DENND1A: variants seen among roughly 807,000 people sequenced by gnomAD.
DENND1A encodes DENN domain-containing protein 1A.
DENND1A carries 51 observed loss-of-function variants against 113.7 expected under a neutral mutation model. The observed-to-expected ratio is 0.45, with a 90% CI of 0.36 to 0.57. DENND1A has a LOEUF of 0.57. Ranked by LOEUF, DENND1A falls within the 20% of genes least tolerant of loss-of-function variation. The pLI, the probability that DENND1A is intolerant of heterozygous loss-of-function variation, is 0.00. For missense variants in DENND1A, 1,258 were observed against 1,395.9 expected, an observed-to-expected ratio of 0.90 and a Z score of 1.57; for synonymous variants, 565 against 570.8, an observed-to-expected ratio of 0.99 and a Z score of 0.14.
At chr9:123,432,813 T>C (rs1259878519) in intron 19 of DENND1A, among the ~76,000 whole-genome samples, 1 of 152,210 alleles carries the variant, frequency 6.6e-6, no homozygotes, top group Non-Finnish European at 1.5e-5. Flanking sequence ...TGACTCAGGC[T>C]TGGGCAGCAT....
chr9:123,683,016 C>T (rs184934689), intron 5 of DENND1A, among the ~76,000 whole-genome samples: 124 of 144,402 alleles, frequency 8.6e-4, no homozygotes, highest in Non-Finnish European at 1.1e-3. Context: ...CTTCCAGTTT[C>T]CAGACAATAC....
intron 21 of DENND1A, among the ~76,000 whole-genome samples, chr9:123,390,275 G>A (rs2042771966): frequency 6.6e-6 from 1 of 152,224 alleles, no homozygotes; most frequent in Non-Finnish European, 1.5e-5. Context: ...CCAGCCTGCT[G>A]GGGGAACCCC....
intron 2 of DENND1A, among the ~76,000 whole-genome samples, chr9:123,856,684 C>T (rs1174812621): frequency 6.6e-6 from 1 of 151,994 alleles, no homozygotes; most frequent in Non-Finnish European, 1.5e-5. Context: ...AGCACCCACA[C>T]AGAAGGACCA....
intron 3 of DENND1A, among the ~76,000 whole-genome samples, chr9:123,791,129 C>G (rs549135364): frequency 6.6e-6 from 1 of 152,152 alleles, no homozygotes; most frequent in African/African-American, 2.4e-5. Flanking sequence ...TTAAGTTTCT[C>G]CTATAAAATT....
At chr9:123,707,116 C>T (rs961778674) in intron 5 of DENND1A, among the ~76,000 whole-genome samples, 5 of 151,670 alleles carry the variant, frequency 3.3e-5, no homozygotes, top group African/African-American at 4.8e-5. Flanking sequence ...AGCTCAGGGC[C>T]GGGCGCGGTG....
At chr9:123,573,083 G>A (rs979948670) in intron 12 of DENND1A, among the ~76,000 whole-genome samples, 15 of 152,002 alleles carry the variant, frequency 9.9e-5, no homozygotes, top group Admixed American at 4.6e-4. Flanking sequence ...TGGCATATTT[G>A]TTGAAAAATC....
chr9:123,524,076 T>C (rs1383553575), intron 13 of DENND1A, among the ~76,000 whole-genome samples: 1 of 152,110 alleles, frequency 6.6e-6, no homozygotes, highest in East Asian at 1.9e-4. Context: ...GGATGAAAAA[T>C]ACACGTAACC....
intron 13 of DENND1A, among the ~76,000 whole-genome samples, chr9:123,552,018 C>CGA (rs10657747): frequency 1.3e-3 from 152 of 118,646 alleles, no homozygotes; most frequent in East Asian, 5.5e-3. Flanking sequence ...AGAGCGAGAG[C>CGA]GAGAGAGAGA....
intron 13 of DENND1A, among the ~76,000 whole-genome samples, chr9:123,495,141 T>TTCTCTTTCTC (rs1397673782): frequency 7.1e-6 from 1 of 140,558 alleles, no homozygotes; most frequent in Non-Finnish European, 1.5e-5. Flanking sequence ...CATTGTCTCT[T>TTCTCTTTCTC]TCTCTCTCTC....
chr9:123,635,856 G>A (rs1010632282), intron 9 of DENND1A, among the ~76,000 whole-genome samples: 4 of 152,124 alleles, frequency 2.6e-5, no homozygotes, highest in African/African-American at 7.2e-5. Flanking sequence ...TACTTGCTCC[G>A]AGTCTTCTGC....
At chr9:123,881,911 T>C (rs2133605201) in intron 1 of DENND1A, among the ~76,000 whole-genome samples, 1 of 152,296 alleles carries the variant, frequency 6.6e-6, no homozygotes, top group Non-Finnish European at 1.5e-5. Context: ...CTCATCTTAC[T>C]CGGCCTGTCA....
intron 13 of DENND1A, among the ~76,000 whole-genome samples, chr9:123,526,442 T>C (rs1416053710): frequency 6.6e-6 from 1 of 152,176 alleles, no homozygotes; most frequent in Non-Finnish European, 1.5e-5. Flanking sequence ...TCTCTTCCAA[T>C]GTTAATACAA....
At chr9:123,832,977 G>A (rs1033636797) in intron 2 of DENND1A, among the ~76,000 whole-genome samples, 15 of 151,984 alleles carry the variant, frequency 9.9e-5, no homozygotes, top group Non-Finnish European at 2.1e-4. Flanking sequence ...GCCAGGTTGG[G>A]GGTCCGGGGG....
chr9:123,550,179 G>A (rs1231510572), intron 13 of DENND1A, among the ~76,000 whole-genome samples: 2 of 152,252 alleles, frequency 1.3e-5, no homozygotes, highest in Non-Finnish European at 2.9e-5. Flanking sequence ...GATGATACCA[G>A]TGTACCCACA....
chr9:123,536,150 G>A (rs1214085515), intron 13 of DENND1A, among the ~76,000 whole-genome samples: 1 of 152,146 alleles, frequency 6.6e-6, no homozygotes, highest in Admixed American at 6.5e-5. Flanking sequence ...CTTCATGTTG[G>A]TATTTGCACT....
chr9:123,523,647 C>A (rs1201828677), intron 13 of DENND1A, among the ~76,000 whole-genome samples: 1 of 152,212 alleles, frequency 6.6e-6, no homozygotes, highest in African/African-American at 2.4e-5. Flanking sequence ...CAAAAACTTA[C>A]AGTGGCAGCT....
intron 13 of DENND1A, among the ~76,000 whole-genome samples, chr9:123,476,693 C>T (rs547580807): frequency 1.3e-5 from 2 of 152,324 alleles, no homozygotes; most frequent in South Asian, 2.1e-4. Flanking sequence ...ACAAGGGTAA[C>T]AGACACTTGT....
At chr9:123,805,348 G>C (rs1341562166) in intron 2 of DENND1A, among the ~76,000 whole-genome samples, 1 of 151,952 alleles carries the variant, frequency 6.6e-6, no homozygotes, top group Non-Finnish European at 1.5e-5. Context: ...TATACATAAT[G>C]AGATATCTTG....
At chr9:123,727,842 C>A (rs912700889) in intron 5 of DENND1A, among the ~76,000 whole-genome samples, 3 of 152,146 alleles carry the variant, frequency 2.0e-5, no homozygotes, top group Admixed American at 6.5e-5. Flanking sequence ...CGTGGTGGCT[C>A]ATGCCTGTAA....
Sources: gnomAD v4.1 joint callset for allele counts (sites outside exome capture counted in the v4.1 genomes callset) on GRCh38, gnomAD v4.1.1 for gene constraint, MANE v1.5 for transcripts, NCBI Gene and HGNC (gene_info 2026-07-23, HGNC 2026-07-21) for gene names.